TRPM1: variants seen among roughly 807,000 people sequenced by gnomAD.
TRPM1 encodes transient receptor potential cation channel subfamily M member 1.
TRPM1 carries 113 observed loss-of-function variants against 149.4 expected under a neutral mutation model. The ratio of observed to expected loss-of-function variants is 0.76; its 90% CI spans 0.65 to 0.88. The LOEUF (loss-of-function observed/expected upper bound fraction) is 0.88, where lower values mean the gene tolerates loss of function less well. Ranked by LOEUF, TRPM1 falls within the 40% of genes least tolerant of loss-of-function variation. The pLI is 0.00. For missense variants in TRPM1, 1,976 were observed against 2,038.7 expected, an observed-to-expected ratio of 0.97 and a Z score of 0.59; for synonymous variants, 741 against 759.5, an observed-to-expected ratio of 0.98 and a Z score of 0.40.
intron 11 of TRPM1, among the ~76,000 whole-genome samples, chr15:31,057,856 C>A (rs774671989): frequency 2.6e-5 from 4 of 152,142 alleles, no homozygotes; most frequent in Non-Finnish European, 4.4e-5. Flanking sequence ...TGAAAGAGTT[C>A]TTATGAGAAT....
intron 1 of TRPM1, among the ~76,000 whole-genome samples, chr15:31,088,513 T>A (rs1026906990): frequency 3.9e-5 from 6 of 152,144 alleles, no homozygotes; most frequent in Non-Finnish European, 7.3e-5. Context: ...GACGAGCAAC[T>A]CTGGATGCGC....
intron 3 of TRPM1, among the ~76,000 whole-genome samples, chr15:31,072,521 T>C (rs1252770037): frequency 6.6e-6 from 1 of 152,180 alleles, no homozygotes; most frequent in East Asian, 1.9e-4. Context: ...AATGTTTTCA[T>C]TTTTCTTGGG....
intron 1 of TRPM1, among the ~76,000 whole-genome samples, chr15:31,154,495 G>T (rs1305653021): frequency 1.3e-5 from 2 of 152,210 alleles, no homozygotes; most frequent in African/African-American, 2.4e-5. Flanking sequence ...ACTCCATCTT[G>T]CTTCTAACCT....
At position 31,153,691 on chromosome 15, in the gene TRPM1, C is replaced by A. The variant is rs200901279; in HGVS notation, c.54+7215G>T. Among the ~76,000 whole-genome samples, 8 of 152,286 alleles carry A rather than the reference C, an allele frequency of 5.3e-5. No homozygotes were observed. The East Asian group carries it at 1.5e-3, about 29-fold the overall frequency. On this transcript the variant is annotated intron_variant, in intron 1 of 26. Coordinates refer to the TRPM1 transcript ENST00000542188. The stretch of plus-strand genomic sequence containing the variant: ...TCAGAAAATCTGTGAATCCACTTAT[C>A]ATCTGGAAGCCTCCCCTCCCCGCCC...
chr15:31,071,407 G>A (rs1185552589), intron 3 of TRPM1, among the ~76,000 whole-genome samples: 2 of 151,550 alleles, frequency 1.3e-5, no homozygotes, highest in African/African-American at 2.4e-5. Context: ...GTGCGAATGC[G>A]TGCACGTGTG....
At chr15:31,004,398 C>T (rs544178386) in intron 27 of TRPM1, among the ~76,000 whole-genome samples, 6 of 152,104 alleles carry the variant, frequency 3.9e-5, no homozygotes, top group African/African-American at 1.4e-4. Context: ...CCACCCCCAC[C>T]CTGCTGCTTC....
At chr15:31,149,202 A>G (rs2036260769) in intron 1 of TRPM1, among the ~76,000 whole-genome samples, 1 of 152,112 alleles carries the variant, frequency 6.6e-6, no homozygotes, top group Admixed American at 6.5e-5. Flanking sequence ...GGGAGACTCT[A>G]TTGGCTTTAG....
chr15:31,127,996 A>G (rs1467314391), intron 1 of TRPM1, among the ~76,000 whole-genome samples: 1 of 152,188 alleles, frequency 6.6e-6, no homozygotes, highest in African/African-American at 2.4e-5. Flanking sequence ...CTTGGCTGAC[A>G]TAGCAGAGCT....
chr15:31,147,900 T>C (rs530354512), intron 1 of TRPM1, among the ~76,000 whole-genome samples: 1 of 152,294 alleles, frequency 6.6e-6, no homozygotes, highest in Non-Finnish European at 1.5e-5. Context: ...CTGCCAATCA[T>C]GGTGGCTTCG....
chr15:31,135,336 T>A (rs2036074323), intron 1 of TRPM1, among the ~76,000 whole-genome samples: 1 of 151,970 alleles, frequency 6.6e-6, no homozygotes, highest in Admixed American at 6.6e-5. Context: ...CCAAATAAAA[T>A]AAACACCTTA....
chr15:31,042,028 G>C lies in TRPM1; in HGVS notation c.2010C>G (p.Leu670=), dbSNP rs1362073654. 1 of 1,614,204 alleles carries C rather than the reference G, an allele frequency of 6.2e-7. No individual in the cohort carries two copies. Among genetic ancestry groups the C allele is most frequent in the Non-Finnish European group, 8.5e-7 (1 of 1,180,028 alleles). ...AGGACTCGTGGGCCATGGCCTTGTAGAGCTTGCAGGCCACCAGGGCCTTGG... is the reference window on the plus strand; with the variant it reads ...AGGACTCGTGGGCCATGGCCTTGTACAGCTTGCAGGCCACCAGGGCCTTGG... The part of the protein sequence containing the change: ...SMAKALVACK[L]YKAMAHESSE... The change falls in exon 17 of 28, where the codon CTC becomes CTG. Residue 670 remains leucine, a synonymous_variant. Coordinates refer to ENST00000256552, the MANE Select transcript of TRPM1 (RefSeq NM_001252024.2).
chr15:31,123,013 G>A (rs1235518902), intron 1 of TRPM1, among the ~76,000 whole-genome samples: 6 of 152,172 alleles, frequency 3.9e-5, no homozygotes, highest in Admixed American at 3.9e-4. Context: ...ATGCAACAGA[G>A]CAGACAGCCC....
chr15:31,023,583 G>GA (rs2032621958), intron 27 of TRPM1, among the ~76,000 whole-genome samples: 1 of 152,114 alleles, frequency 6.6e-6, no homozygotes, highest in Non-Finnish European at 1.5e-5. Flanking sequence ...GGGTAGGGAT[G>GA]AAAAAAATAA....
In TRPM1 at chr15:31,060,641, G is replaced by T. The variant is rs769772495; in HGVS notation, c.1166C>A (p.Thr389Lys). 3 of 1,613,998 alleles carry T rather than the reference G, an allele frequency of 1.9e-6. No individual in the cohort carries two copies. The Admixed American group carries it at 5.0e-5, about 27-fold the overall frequency. ...MAILTALLKG[T>K]NVSAPDQLSL... ...CAGCTGATCTGGAGCAGATACGTTT[G>T]TTCCTGGAAAGGCAAGAAACCGGAA... is the stretch of plus-strand genomic sequence containing the variant. Residue 389 changes from threonine (T) to lysine (K), a missense_variant, in exon 11 of 28, where the codon ACA becomes AAA. Coordinates refer to ENST00000256552, the MANE Select transcript of TRPM1 (RefSeq NM_001252024.2).
chr15:31,154,987 G>C (rs2036348966), intron 1 of TRPM1, among the ~76,000 whole-genome samples: 1 of 152,174 alleles, frequency 6.6e-6, no homozygotes. Flanking sequence ...AGATTGATTT[G>C]AGTAATAATC....
intron 1 of TRPM1, among the ~76,000 whole-genome samples, chr15:31,113,432 G>GT (rs3080947): frequency 0.02 from 3,006 of 149,474 alleles, 114 homozygotes; most frequent in African/African-American, 0.066. Flanking sequence ...AGCTCTGACA[G>GT]TTTTTTTTTT....
Position 31,069,660 on chromosome 15 carries a change from T to C in TRPM1, c.279+371A>G. 3.6e-6 allele frequency: 5 copies of C among 1,371,434 alleles called. No homozygotes were observed. The South Asian group carries it at 1.1e-4, about 29-fold the overall frequency. The allele number at this position is 1,371,434 out of a possible 1,614,324, so 85.0% of individuals were successfully genotyped here. On this transcript the variant is annotated intron_variant, in intron 4 of 27. Transcript: ENST00000256552. ...TGTGGACAGACCTCAGAGGAAAATATTTCCAAAGACTCTCAACACATCTAA... is the reference window on the plus strand; with the variant it reads ...TGTGGACAGACCTCAGAGGAAAATACTTCCAAAGACTCTCAACACATCTAA...
chr15:31,052,492 CT>C (rs2033971695), intron 11 of TRPM1, among the ~76,000 whole-genome samples: 1 of 152,048 alleles, frequency 6.6e-6, no homozygotes, highest in Non-Finnish European at 1.5e-5. Context: ...ATATAAAATG[CT>C]GCTGGGCACG....
chr15:31,027,164 G>T, intron 25 of TRPM1, 47 bp from the exon 26 acceptor site: 1 of 1,575,690 alleles, frequency 6.3e-7, no homozygotes, highest in Non-Finnish European at 8.7e-7. Flanking sequence ...ACTTTTTATA[G>T]TGATTTCCCA....
Sources: allele counts gnomAD v4.1 joint callset (sites outside exome capture counted in the v4.1 genomes callset), GRCh38; gene constraint gnomAD v4.1.1; transcripts MANE v1.5; gene names NCBI Gene and HGNC (gene_info 2026-07-23, HGNC 2026-07-21).